The following ODAD2 variants were observed in gnomAD, a reference collection of about 807,000 sequenced individuals.
ODAD2 encodes the protein outer dynein arm-docking complex subunit 2.
In ODAD2, 89 loss-of-function variants were observed where a neutral mutation model predicts 106.8. The observed-to-expected ratio is 0.83, with a 90% CI of 0.70 to 0.99. The LOEUF is 0.99. Ranked by LOEUF, ODAD2 falls within the 50% of genes least tolerant of loss-of-function variation. The pLI, the probability that ODAD2 is intolerant of heterozygous loss-of-function variation, is 0.00. For missense variants in ODAD2, 1,168 were observed against 1,238.5 expected, an observed-to-expected ratio of 0.94 and a Z score of 0.85; for synonymous variants, 404 against 436.2, an observed-to-expected ratio of 0.93 and a Z score of 0.92.
intron 17 of ODAD2, among the ~76,000 whole-genome samples, chr10:27,863,473 A>G (rs993157359): frequency 2.6e-5 from 4 of 152,220 alleles, no homozygotes; most frequent in Non-Finnish European, 4.4e-5. Context: ...ATGTCCAAGA[A>G]TGACCATATT....
At chr10:27,881,802 A>C (rs111529425) in intron 17 of ODAD2, among the ~76,000 whole-genome samples, 5 of 152,322 alleles carry the variant, frequency 3.3e-5, no homozygotes, top group African/African-American at 1.2e-4. Flanking sequence ...TGAGATTCAA[A>C]GATAAATAAA....
chr10:27,921,521 T>C (rs1008633040), intron 16 of ODAD2, among the ~76,000 whole-genome samples: 9 of 146,852 alleles, frequency 6.1e-5, no homozygotes, highest in Non-Finnish European at 7.5e-5. Context: ...TTCCAGTAAT[T>C]AAAAAAAAAA....
rs147105177 is a variant in ODAD2 at position 27,853,292 on chromosome 10, G to A, written c.3021+7333C>T. The A allele has an allele frequency of 2.2e-3, 559 of 251,720 alleles. 4 individuals carry two copies. The highest frequency in any genetic ancestry group is 7.2e-3 in the African/African-American group (309 of 42,722). 15.6% of individuals were successfully genotyped at this position (251,720 alleles called of 1,614,324 possible). On this transcript the variant is annotated intron_variant, in intron 19 of 19. Coordinates refer to ENST00000305242, the MANE Select transcript of ODAD2 (RefSeq NM_018076.5). Reference sequence around the variant, plus strand: ...TGAGGCAGGAGAATCGCTTGAATCCGGGAGGTGGAGGTTGCAGTGAGCCAA... The same window carrying A: ...TGAGGCAGGAGAATCGCTTGAATCCAGGAGGTGGAGGTTGCAGTGAGCCAA...
chr10:27,883,249 AT>A (rs1417652716), intron 17 of ODAD2, among the ~76,000 whole-genome samples: 3 of 152,184 alleles, frequency 2.0e-5, no homozygotes, highest in Admixed American at 6.5e-5. Context: ...AGTGCAAGGC[AT>A]TTAAGGAAAT....
intron 17 of ODAD2, among the ~76,000 whole-genome samples, chr10:27,871,338 G>A (rs1008444825): frequency 8.5e-5 from 13 of 152,174 alleles, no homozygotes; most frequent in African/African-American, 2.9e-4. Context: ...TTCTTTTGCC[G>A]TGCAGAAGCT....
At chr10:27,823,537 T>G (rs1836778189) in intron 19 of ODAD2, among the ~76,000 whole-genome samples, 1 of 152,194 alleles carries the variant, frequency 6.6e-6, no homozygotes, top group African/African-American at 2.4e-5. Flanking sequence ...TTAATAGTAC[T>G]TTCCTAATAA....
intron 19 of ODAD2, among the ~76,000 whole-genome samples, chr10:27,856,886 G>C (rs1304972917): frequency 2.0e-5 from 3 of 152,108 alleles, no homozygotes; most frequent in African/African-American, 7.2e-5. Context: ...AGAATCGCTC[G>C]AACCCAGGAG....
At chr10:27,871,054 G>T (rs1440494934) in intron 17 of ODAD2, among the ~76,000 whole-genome samples, 1 of 152,172 alleles carries the variant, frequency 6.6e-6, no homozygotes, top group Non-Finnish European at 1.5e-5. Flanking sequence ...ATTCTAACTG[G>T]TGTGAGATGG....
rs1848998860 is a variant in ODAD2, at chr10:27,973,574, G to C, written c.937-2261C>G. 2.0e-5 allele frequency among the ~76,000 whole-genome samples: 3 copies of C among 152,100 alleles called. No individual in the cohort carries two copies. In the South Asian group the frequency reaches 6.2e-4, roughly 32 times the overall value. On this transcript the variant is annotated intron_variant, in intron 7 of 19. Transcript: ENST00000305242. ...ATCATTTAGCTCCCATTTATAAGTGGAACAGGGGGTAATATGTTTTCTTCT... is the reference window on the plus strand; with the variant it reads ...ATCATTTAGCTCCCATTTATAAGTGCAACAGGGGGTAATATGTTTTCTTCT...
chr10:27,960,347 A>G (rs1588614834), intron 10 of ODAD2, among the ~76,000 whole-genome samples: 1 of 140,516 alleles, frequency 7.1e-6, no homozygotes, highest in Non-Finnish European at 1.5e-5. Flanking sequence ...TATTATTATT[A>G]TTATTATTAT....
chr10:27,884,817 G>C lies in ODAD2; in HGVS notation c.2611-22195C>G, dbSNP rs984519112. ...CATTTAAGAACAGCCATGTATATGG[G>C]GGAAAAAAATTAAAAGCATACATAC... On this transcript the variant is annotated intron_variant, in intron 17 of 19. Transcript: ENST00000305242. Among the ~76,000 whole-genome samples, 9 of 152,106 alleles carry C rather than the reference G, an allele frequency of 5.9e-5. No homozygotes were observed. In the East Asian group the frequency reaches 1.6e-3, roughly 26 times the overall value.
At chr10:27,979,388 T>C (rs1298351065) in intron 7 of ODAD2, among the ~76,000 whole-genome samples, 1 of 151,292 alleles carries the variant, frequency 6.6e-6, no homozygotes, top group East Asian at 1.9e-4. Flanking sequence ...AAACTATTTG[T>C]ATGCAGATGG....
chr10:27,958,299 A>T (rs1243043204), intron 10 of ODAD2, among the ~76,000 whole-genome samples: 4 of 152,214 alleles, frequency 2.6e-5, no homozygotes, highest in African/African-American at 9.6e-5. Flanking sequence ...TTTGGCCTAA[A>T]GCTACAAGGA....
chr10:27,893,628 T>C (rs1434329033), intron 17 of ODAD2, among the ~76,000 whole-genome samples: 2 of 152,202 alleles, frequency 1.3e-5, no homozygotes, highest in Admixed American at 6.5e-5. Flanking sequence ...AAAAGCATTG[T>C]AGTTGAAAAC....
chr10:27,880,188 C>T (rs1017588869), intron 17 of ODAD2, among the ~76,000 whole-genome samples: 5 of 152,214 alleles, frequency 3.3e-5, no homozygotes, highest in African/African-American at 4.8e-5. Flanking sequence ...CCTGCCCTTA[C>T]AGGATTTCTA....
At chr10:27,909,223 A>G (rs1027406095) in intron 16 of ODAD2, among the ~76,000 whole-genome samples, 1 of 152,184 alleles carries the variant, frequency 6.6e-6, no homozygotes, top group Admixed American at 6.5e-5. Flanking sequence ...ATTTCGCAGC[A>G]AATTTGGCAT....
chr10:27,909,628 G>C (rs1843848149), intron 16 of ODAD2, among the ~76,000 whole-genome samples: 1 of 151,822 alleles, frequency 6.6e-6, no homozygotes, highest in African/African-American at 2.4e-5. Context: ...GACCAGCCTG[G>C]CCAATGTGGC....
chr10:27,965,176 T>C (rs1848409737), intron 9 of ODAD2, among the ~76,000 whole-genome samples: 1 of 152,090 alleles, frequency 6.6e-6, no homozygotes, highest in African/African-American at 2.4e-5. Context: ...AATGGATCCA[T>C]AGAAAACAGC....
chr10:27,970,056 A>G (rs1848736617), intron 8 of ODAD2, among the ~76,000 whole-genome samples: 1 of 151,994 alleles, frequency 6.6e-6, no homozygotes, highest in South Asian at 2.1e-4. Context: ...CAGTGAGCCA[A>G]GTTTGTGCCA....
Sources: allele counts gnomAD v4.1 joint callset (sites outside exome capture counted in the v4.1 genomes callset), GRCh38; gene constraint gnomAD v4.1.1; transcripts MANE v1.5; gene names NCBI Gene and HGNC (gene_info 2026-07-23, HGNC 2026-07-21).